UGT1A6: variants seen among roughly 807,000 people sequenced by gnomAD.
The protein encoded by UGT1A6 is UDP glucuronosyltransferase family 1 member A6.
UGT1A6 carries 32 observed loss-of-function variants against 44.4 expected under a neutral mutation model. The ratio of observed to expected loss-of-function variants is 0.72; its 90% CI spans 0.54 to 0.97. UGT1A6 has a LOEUF of 0.97. Among genes scored for constraint, UGT1A6 ranks in the 50% least tolerant of loss-of-function variants. The pLI, the probability that UGT1A6 is intolerant of heterozygous loss-of-function variation, is 0.00. For synonymous variants in UGT1A6, 238 were observed against 248.5 expected (o/e 0.96, Z 0.40); for missense variants, 685 against 661.9 (o/e 1.03, Z -0.38).
At chr2:233,695,417 C>T (rs552700475) in intron 1 of UGT1A6, among the ~76,000 whole-genome samples, 1 of 142,156 alleles carries the variant, frequency 7.0e-6, no homozygotes, top group Admixed American at 6.8e-5. Flanking sequence ...AGCTACCGCG[C>T]CCGGCCTTCT....
chr2:233,748,002 G>T, intron 1 of UGT1A6: 1 of 1,613,500 alleles, frequency 6.2e-7, no homozygotes, highest in Non-Finnish European at 8.5e-7. Context: ...CTTTGTGATG[G>T]ATTACCCCAG....
chr2:233,711,814 G>A (rs1262111547), intron 1 of UGT1A6, among the ~76,000 whole-genome samples: 2 of 152,206 alleles, frequency 1.3e-5, no homozygotes, highest in African/African-American at 4.8e-5. Context: ...CATCATCCTG[G>A]GGCGACCAGG....
chr2:233,718,626 C>T lies in UGT1A6; in HGVS notation c.861+24761C>T, dbSNP rs552976207. 130 of 926,994 alleles carry T rather than the reference C, an allele frequency of 1.4e-4. No individual in the cohort carries two copies. The South Asian group carries it at 5.5e-3, about 39-fold the overall frequency. The allele number at this position is 926,994 out of a possible 1,614,324, so 57.4% of individuals were successfully genotyped here. On this transcript the variant is annotated intron_variant, in intron 1 of 4. Transcript: ENST00000305139. ...GCTTTTCAAGATAGGCGTGATTGGT[C>T]TTTCCCAGGGTTGGGCCCATAACGA...
chr2:233,724,221 C>T lies in UGT1A6; in HGVS notation c.861+30356C>T, dbSNP rs1235713996. ...GGCCGGGCTGAGGGGCTCCTCACTT[C>T]CCAGTAGGGGCGGCCGGGCAGAGGC... On this transcript the variant is annotated intron_variant, in intron 1 of 4. Coordinates refer to ENST00000305139, the MANE Select transcript of UGT1A6 (RefSeq NM_001072.4). Among the ~76,000 whole-genome samples the T allele has an allele frequency of 3.1e-5, 4 of 130,194 alleles. No individual in the cohort carries two copies. In the East Asian group the frequency reaches 9.2e-4, roughly 30 times the overall value. 85.4% of individuals were successfully genotyped at this position (130,194 alleles called of 152,430 possible). A position where few individuals can be genotyped will look rare whatever the true frequency, so the allele number is the denominator to read the frequency against.
chr2:233,709,261 T>G (rs1161769974), intron 1 of UGT1A6, among the ~76,000 whole-genome samples: 1 of 152,190 alleles, frequency 6.6e-6, no homozygotes, highest in Non-Finnish European at 1.5e-5. Flanking sequence ...GGAAATAACT[T>G]GTCCACGCTG....
rs753813548 is a variant in UGT1A6 at position 233,693,325 on chromosome 2, T to C, written c.321T>C (p.Ala107=). ...TTGCTGAGCGATCATTCCTAACTGC[T>C]CCTCAGACAGAGTACAGGAATAACA... The part of the protein sequence containing the change: ...NHFAERSFLT[A]PQTEYRNNMI... Residue 107 remains alanine, a synonymous_variant, in exon 1 of 5, where the codon GCT becomes GCC. Coordinates refer to ENST00000305139, the MANE Select transcript of UGT1A6 (RefSeq NM_001072.4). The C allele has an allele frequency of 6.8e-6, 11 of 1,614,210 alleles. No individual in the cohort carries two copies. In the East Asian group the frequency reaches 2.2e-4, roughly 33 times the overall value.
intron 1 of UGT1A6, among the ~76,000 whole-genome samples, chr2:233,712,123 G>A (rs533419380): frequency 6.6e-6 from 1 of 152,342 alleles, no homozygotes; most frequent in South Asian, 2.1e-4. Flanking sequence ...ACTTGCAGAA[G>A]ACTGGAGCCT....
At chr2:233,694,300 T>G (rs1423293480) in intron 1 of UGT1A6, among the ~76,000 whole-genome samples, 1 of 151,018 alleles carries the variant, frequency 6.6e-6, no homozygotes, top group East Asian at 1.9e-4. Flanking sequence ...AAGGCCTGTT[T>G]TTTGTTTTTT....
rs923317009 is a variant in UGT1A6, at chr2:233,730,111, C to T, written c.861+36246C>T. On this transcript the variant is annotated intron_variant, in intron 1 of 4. Transcript: ENST00000305139. ...CTTTCCAAATATTTCATTTCTGCTT[C>T]TCCTTGTCATAATAGCCTTCAGTGA... The T allele has an allele frequency of 2.6e-6, 4 of 1,566,198 alleles. No individual in the cohort carries two copies. In the African/African-American group the frequency reaches 4.1e-5, roughly 16 times the overall value.
chr2:233,694,315 TC>T (rs1553606365), intron 1 of UGT1A6, among the ~76,000 whole-genome samples: 16 of 152,054 alleles, frequency 1.1e-4, no homozygotes, highest in African/African-American at 3.9e-4. Flanking sequence ...TTTTTTTTTT[TC>T]CTTTTATGTT....
At chr2:233,764,979 T>C (rs775533661) in intron 1 of UGT1A6, among the ~76,000 whole-genome samples, 2 of 151,670 alleles carry the variant, frequency 1.3e-5, no homozygotes, top group Non-Finnish European at 2.9e-5. Flanking sequence ...GGATGGTCAG[T>C]GTCTGGGGCT....
At chr2:233,762,469 A>G (rs1394204644) in intron 1 of UGT1A6, among the ~76,000 whole-genome samples, 1 of 152,192 alleles carries the variant, frequency 6.6e-6, no homozygotes, top group African/African-American at 2.4e-5. Context: ...AATGTCATGG[A>G]TATCACTCCA....
At chr2:233,735,683 G>A (rs909239593) in intron 1 of UGT1A6, among the ~76,000 whole-genome samples, 11 of 152,010 alleles carry the variant, frequency 7.2e-5, no homozygotes, top group African/African-American at 2.7e-4. Context: ...CTTCCTTTAG[G>A]AGCTCTTGTA....
intron 1 of UGT1A6, among the ~76,000 whole-genome samples, chr2:233,694,218 C>G (rs933253375): frequency 6.6e-6 from 1 of 152,134 alleles, no homozygotes; most frequent in Non-Finnish European, 1.5e-5. Flanking sequence ...TTTCCCAACT[C>G]TGTCCCATGC....
chr2:233,744,946 A>G (rs563141954), intron 1 of UGT1A6, among the ~76,000 whole-genome samples: 4 of 152,034 alleles, frequency 2.6e-5, no homozygotes, highest in African/African-American at 7.3e-5. Context: ...CAGTATTTGT[A>G]TATAACCTAC....
intron 1 of UGT1A6, chr2:233,730,081 C>G: frequency 1.2e-6 from 2 of 1,603,798 alleles, no homozygotes; most frequent in Non-Finnish European, 8.5e-7. Context: ...TCCATATTTA[C>G]TTATCTTTCC....
intron 1 of UGT1A6, chr2:233,713,228 G>A (rs200357281): frequency 6.8e-6 from 11 of 1,614,092 alleles, no homozygotes; most frequent in Admixed American, 3.3e-5. Context: ...CCCTGACAAC[G>A]TATGCCATTT....
upstream of UGT1A6, chr2:233,691,728 C>A: frequency 1.2e-6 from 1 of 804,008 alleles, no homozygotes; most frequent in Non-Finnish European, 1.5e-6. Context: ...GGTGGCTGGG[C>A]CAGAAGCAGA....
At chr2:233,700,275 TTTTAA>T (rs2075554148) in intron 1 of UGT1A6, among the ~76,000 whole-genome samples, 1 of 152,238 alleles carries the variant, frequency 6.6e-6, no homozygotes, top group African/African-American at 2.4e-5. Context: ...AATAGGCACT[TTTTAA>T]AATACGTGAC....
Sources: gnomAD v4.1 joint callset for allele counts (sites outside exome capture counted in the v4.1 genomes callset) on GRCh38, gnomAD v4.1.1 for gene constraint, MANE v1.5 for transcripts, NCBI Gene and HGNC (gene_info 2026-07-23, HGNC 2026-07-21) for gene names.